PDE4B: variants seen among roughly 807,000 people sequenced by gnomAD.
PDE4B encodes the protein 3',5'-cyclic-AMP phosphodiesterase 4B.
In PDE4B, 20 loss-of-function variants were observed where a neutral mutation model predicts 82.2. That is an observed-to-expected ratio of 0.24 (90% CI 0.17 to 0.35). The LOEUF (loss-of-function observed/expected upper bound fraction) is 0.35. PDE4B is among the 10% of genes least tolerant of loss of function. The pLI is 1.00. For missense variants in PDE4B, 655 were observed against 907.2 expected (o/e 0.72, Z 3.57); for synonymous variants, 320 against 318.9 (o/e 1.00, Z -0.04).
intron 1 of PDE4B, among the ~76,000 whole-genome samples, chr1:65,839,889 C>T (rs941001705): frequency 6.6e-6 from 1 of 152,174 alleles, no homozygotes. Context: ...CTCCCTCCAA[C>T]AGTGTAAAAG....
intron 3 of PDE4B, among the ~76,000 whole-genome samples, chr1:66,243,668 A>C (rs2101664620): frequency 6.6e-6 from 1 of 152,306 alleles, no homozygotes; most frequent in South Asian, 2.1e-4. Context: ...CATTCCAGTT[A>C]TGGGAAGCAC....
At chr1:65,959,920 G>T (rs1649460386) in intron 3 of PDE4B, among the ~76,000 whole-genome samples, 1 of 151,954 alleles carries the variant, frequency 6.6e-6, no homozygotes, top group African/African-American at 2.4e-5. Flanking sequence ...TGTTGTTCAG[G>T]CTGGTCTCAA....
At chr1:66,285,182 C>G (rs867691099) in intron 7 of PDE4B, among the ~76,000 whole-genome samples, 11 of 152,146 alleles carry the variant, frequency 7.2e-5, no homozygotes, top group Non-Finnish European at 1.6e-4. Context: ...CAAAACAACT[C>G]TGTGAGTTCT....
intron 1 of PDE4B, among the ~76,000 whole-genome samples, chr1:65,823,090 A>G (rs761716487): frequency 2.0e-5 from 3 of 151,868 alleles, no homozygotes; most frequent in Non-Finnish European, 2.9e-5. Context: ...CCTGTTGTTC[A>G]TCTGCATTTT....
intron 1 of PDE4B, among the ~76,000 whole-genome samples, chr1:65,894,756 C>T (rs1646890644): frequency 6.6e-6 from 1 of 152,016 alleles, no homozygotes; most frequent in African/African-American, 2.4e-5. Flanking sequence ...AAGATAAACA[C>T]ATGAAAAGAT....
intron 3 of PDE4B, among the ~76,000 whole-genome samples, chr1:66,068,583 T>C (rs535756004): frequency 6.6e-6 from 1 of 152,070 alleles, no homozygotes; most frequent in East Asian, 1.9e-4. Context: ...ATTGGGGCAA[T>C]AAAATAATAT....
chr1:66,272,779 CTTTTTTTTTTTTT>C (rs869201227), intron 7 of PDE4B, among the ~76,000 whole-genome samples: 2 of 61,658 alleles, frequency 3.2e-5, no homozygotes, highest in Non-Finnish European at 5.5e-5. Flanking sequence ...TACTAGAATT[CTTTTTTTTTTTTT>C]TTTTTTTTTT....
chr1:65,845,564 A>G (rs1269450572), intron 1 of PDE4B, among the ~76,000 whole-genome samples: 2 of 152,136 alleles, frequency 1.3e-5, no homozygotes, highest in Non-Finnish European at 2.9e-5. Context: ...GAGATGAATA[A>G]GCTCTTCTGG....
intron 10 of PDE4B, 124 bp from the exon 11 acceptor site, chr1:66,363,044 T>A (rs112425624): frequency 4.9e-5 from 31 of 635,348 alleles, no homozygotes; most frequent in African/African-American, 3.7e-4. Flanking sequence ...TTCACACAAC[T>A]AAAGCACTCT....
chr1:66,370,323 A>G (rs888426006), intron 16 of PDE4B, among the ~76,000 whole-genome samples: 3 of 152,172 alleles, frequency 2.0e-5, no homozygotes, highest in Non-Finnish European at 2.9e-5. Context: ...CCTTTTATTA[A>G]TAGCAGTGAT....
chr1:66,309,392 A>G (rs987313666), intron 7 of PDE4B, among the ~76,000 whole-genome samples: 1 of 152,242 alleles, frequency 6.6e-6, no homozygotes, highest in Non-Finnish European at 1.5e-5. Context: ...CTTCTATAAA[A>G]TAGAGATAAT....
intron 3 of PDE4B, among the ~76,000 whole-genome samples, chr1:66,010,855 C>T (rs1375380688): frequency 6.9e-6 from 1 of 145,438 alleles, no homozygotes; most frequent in African/African-American, 2.6e-5. Context: ...GATTAATCTT[C>T]GTGGGGATGA....
At chr1:66,107,229 T>G (rs570037457) in intron 3 of PDE4B, among the ~76,000 whole-genome samples, 1 of 152,240 alleles carries the variant, frequency 6.6e-6, no homozygotes, top group South Asian at 2.1e-4. Flanking sequence ...TTGTTCAGTT[T>G]CCATGTAGTT....
intron 3 of PDE4B, among the ~76,000 whole-genome samples, chr1:66,199,741 A>G (rs1648706768): frequency 6.6e-6 from 1 of 152,190 alleles, no homozygotes; most frequent in South Asian, 2.1e-4. Flanking sequence ...CCAGCTCCAT[A>G]AAAATTAAAT....
At chr1:66,109,132 T>C (rs1557568302) in intron 3 of PDE4B, among the ~76,000 whole-genome samples, 1 of 151,978 alleles carries the variant, frequency 6.6e-6, no homozygotes, top group Non-Finnish European at 1.5e-5. Flanking sequence ...TGTGAAACCC[T>C]GTTGTATAAT....
intron 3 of PDE4B, among the ~76,000 whole-genome samples, chr1:66,062,441 A>C (rs1303240275): frequency 1.3e-5 from 2 of 152,058 alleles, no homozygotes; most frequent in Admixed American, 1.3e-4. Flanking sequence ...ATGCTCTCAG[A>C]TGATAGAGGA....
Position 66,002,522 on chromosome 1 carries a change from A to G in PDE4B, c.281+83687A>G, listed in dbSNP as rs77206855. 3.0e-3 allele frequency among the ~76,000 whole-genome samples: 450 copies of G among 152,084 alleles called. 3 individuals carry two copies. Among genetic ancestry groups the G allele is most frequent in the African/African-American group, 0.01 (423 of 41,556 alleles). ...GTTTCTAAGAGATGATGTCTATAAG[A>G]TTCAAATTTTCTTCCTCAAGAAGGA... On this transcript the variant is annotated intron_variant, in intron 3 of 16. Coordinates refer to ENST00000341517, the MANE Select transcript of PDE4B (RefSeq NM_002600.4).
intron 3 of PDE4B, among the ~76,000 whole-genome samples, chr1:66,131,874 A>G (rs991245613): frequency 6.6e-6 from 1 of 151,742 alleles, no homozygotes; most frequent in Non-Finnish European, 1.5e-5. Context: ...CTGTCAGCTG[A>G]CCTCTAAGCA....
intron 3 of PDE4B, among the ~76,000 whole-genome samples, chr1:66,217,814 T>C (rs1437959648): frequency 6.6e-6 from 1 of 152,092 alleles, no homozygotes; most frequent in African/African-American, 2.4e-5. Context: ...AATATTTCAA[T>C]ATATTATGCT....
Sources: gnomAD v4.1 joint callset for allele counts (sites outside exome capture counted in the v4.1 genomes callset) on GRCh38, gnomAD v4.1.1 for gene constraint, MANE v1.5 for transcripts, NCBI Gene and HGNC (gene_info 2026-07-23, HGNC 2026-07-21) for gene names.